Variants in PAFAH1B1 observed in about 807,000 individuals in gnomAD.
The protein encoded by PAFAH1B1 is platelet activating factor acetylhydrolase 1b regulatory subunit 1.
Under a neutral mutation model 57.5 loss-of-function variants are expected in PAFAH1B1, and 2 were observed. The ratio of observed to expected loss-of-function variants is 0.03; its 90% CI spans 0.01 to 0.11. PAFAH1B1 has a LOEUF of 0.11. Ranked by LOEUF, PAFAH1B1 falls within the 10% of genes least tolerant of loss-of-function variation. The pLI is 1.00. For synonymous variants in PAFAH1B1, 152 were observed against 169.6 expected (o/e 0.90, Z 0.81); for missense variants, 257 against 512.0 (o/e 0.50, Z 4.81).
chr17:2,681,969 G>C lies in PAFAH1B1; in HGVS notation c.*167G>C. The C allele has an allele frequency of 1.7e-6, 1 of 599,126 alleles. No individual in the cohort carries two copies. Among genetic ancestry groups the C allele is most frequent in the South Asian group, 2.2e-5 (1 of 45,708 alleles). 37.1% of individuals were successfully genotyped at this position (599,126 alleles called of 1,614,324 possible). On this transcript the variant is annotated 3_prime_UTR_variant, in exon 11 of 11. Transcript: ENST00000397195. ...TACACACAAAGTATTCATGCATGGTGAATCCAAATTGTATACTGTAAATTT... is the reference window on the plus strand; with the variant it reads ...TACACACAAAGTATTCATGCATGGTCAATCCAAATTGTATACTGTAAATTT...
In PAFAH1B1 at chr17:2,623,347, C is replaced by T. The variant is rs200570197; in HGVS notation, c.-190-14752C>T. On this transcript the variant is annotated intron_variant, in intron 1 of 10. Transcript: ENST00000397195. ...TGCAGTGGCATGATCTTGGCTCCGCCTCCTGGATTCATGCCATTCTCTTGA... is the reference window on the plus strand; with the variant it reads ...TGCAGTGGCATGATCTTGGCTCCGCTTCCTGGATTCATGCCATTCTCTTGA... Among the ~76,000 whole-genome samples the T allele has an allele frequency of 4.8e-5, 7 of 144,756 alleles. No individual in the cohort carries two copies. The East Asian group carries it at 1.3e-3, about 26-fold the overall frequency. 95.0% of individuals were successfully genotyped at this position (144,756 alleles called of 152,430 possible). A position where few individuals can be genotyped will look rare whatever the true frequency, so the allele number is the denominator to read the frequency against.
chr17:2,666,222 T>G (rs1273892705), intron 4 of PAFAH1B1, 132 bp downstream of exon 4: 3 of 910,944 alleles, frequency 3.3e-6, no homozygotes, highest in Non-Finnish European at 4.8e-6. Context: ...TTTTTGTGCT[T>G]CATGAAAAGT....
At position 2,681,818 on chromosome 17, in the gene PAFAH1B1, C is replaced by G. The variant is rs771129697; in HGVS notation, c.*16C>G. On this transcript the variant is annotated 3_prime_UTR_variant, in exon 11 of 11. Transcript: ENST00000397195. ...GTGCCGTTGATTGTGTCTCCTTCGGCCCCTCCTCCCTCTTTTCCTCTGGAT... is the reference window on the plus strand; with the variant it reads ...GTGCCGTTGATTGTGTCTCCTTCGGGCCCTCCTCCCTCTTTTCCTCTGGAT... The G allele has an allele frequency of 2.5e-6, 4 of 1,595,928 alleles. No individual in the cohort carries two copies. The highest frequency in any genetic ancestry group is 3.3e-5 in the Admixed American group (2 of 59,716).
intron 1 of PAFAH1B1, among the ~76,000 whole-genome samples, chr17:2,603,955 C>T (rs983067275): frequency 2.0e-5 from 3 of 152,098 alleles, no homozygotes; most frequent in African/African-American, 7.2e-5. Flanking sequence ...TCAGACTGGT[C>T]TCAAACTCCT....
intron 1 of PAFAH1B1, among the ~76,000 whole-genome samples, chr17:2,607,318 C>T (rs771682573): frequency 6.6e-6 from 1 of 151,662 alleles, no homozygotes; most frequent in African/African-American, 2.4e-5. Context: ...GGACTACAGG[C>T]GTGCACCAGC....
rs2069441401 is a variant in PAFAH1B1, at chr17:2,684,486, G to C, written c.*2684G>C. 1 of 152,658 alleles carries C rather than the reference G, an allele frequency of 6.6e-6. No individual in the cohort carries two copies. Among genetic ancestry groups the C allele is most frequent in the African/African-American group, 2.4e-5 (1 of 41,452 alleles). The allele number at this position is 152,658 out of a possible 1,614,324, so 9.5% of individuals were successfully genotyped here. Reference sequence around the variant, plus strand: ...AAATTGGCCACTTAAGAAATAAAGAGCTGGTAGAATTGCATCCTCAGATGA... The same window carrying C: ...AAATTGGCCACTTAAGAAATAAAGACCTGGTAGAATTGCATCCTCAGATGA... On this transcript the variant is annotated 3_prime_UTR_variant, in exon 11 of 11. Coordinates refer to ENST00000397195, the MANE Select transcript of PAFAH1B1 (RefSeq NM_000430.4).
At chr17:2,595,120 C>G (rs1036608107) in intron 1 of PAFAH1B1, among the ~76,000 whole-genome samples, 13 of 152,118 alleles carry the variant, frequency 8.5e-5, no homozygotes, top group African/African-American at 3.1e-4. Flanking sequence ...GATTTGTGGT[C>G]TCGTTCTCAA....
chr17:2,626,618 G>A (rs372176762), intron 1 of PAFAH1B1, among the ~76,000 whole-genome samples: 8 of 138,146 alleles, frequency 5.8e-5, no homozygotes, highest in East Asian at 4.4e-4. Context: ...GCAGTGGCGC[G>A]ATCTTGGCTC....
chr17:2,656,589 A>G (rs12602021), intron 2 of PAFAH1B1, among the ~76,000 whole-genome samples: 92,095 of 151,992 alleles, frequency 0.61, 29,513 homozygotes, highest in East Asian at 0.88. Flanking sequence ...TATTGTAGAT[A>G]ATTGAATATC....
In PAFAH1B1 at chr17:2,643,080, GTTCTTTGT is replaced by G. The variant is rs550643804; in HGVS notation, c.32+4763_32+4770del. Among the ~76,000 whole-genome samples the G allele has an allele frequency of 1.3e-3, 199 of 152,072 alleles. 1 individual carries two copies. The highest frequency in any genetic ancestry group is 6.9e-3 in the Admixed American group (105 of 15,248). On this transcript the variant is annotated intron_variant, in intron 2 of 10. Transcript: ENST00000397195. ...TAAATAAAAGTAGCATACTGTATAT[GTTCTTTGT>G]TTGTTTTTTTGTTTTGGAGACAAGA...
chr17:2,648,740 T>G (rs1413109171), intron 2 of PAFAH1B1, among the ~76,000 whole-genome samples: 4 of 148,730 alleles, frequency 2.7e-5, no homozygotes, highest in African/African-American at 9.9e-5. Flanking sequence ...TGGTGTATTT[T>G]TAATACCCAT....
chr17:2,636,637 G>A (rs894354043), intron 1 of PAFAH1B1, among the ~76,000 whole-genome samples: 2 of 152,062 alleles, frequency 1.3e-5, no homozygotes, highest in African/African-American at 2.4e-5. Context: ...CACCTCAAGT[G>A]GTCTGCCCAC....
intron 10 of PAFAH1B1, 67 bp downstream of exon 10, chr17:2,680,387 A>G: frequency 7.1e-7 from 1 of 1,403,292 alleles, no homozygotes; most frequent in Non-Finnish European, 1.0e-6. Context: ...TGTTTTACAT[A>G]ATCGTGTGGA....
In PAFAH1B1 at chr17:2,650,068, T is replaced by C. The variant is rs960886995; in HGVS notation, c.32+11748T>C. ...ACTGGTAAGTTTGACTGTATCAAAA[T>C]AGAAAACTTCTGTGTGAAGAAAGGC... On this transcript the variant is annotated intron_variant, in intron 2 of 10. Transcript: ENST00000397195. 9.9e-5 allele frequency among the ~76,000 whole-genome samples: 15 copies of C among 152,160 alleles called. 1 individual carries two copies. Among genetic ancestry groups the C allele is most frequent in the African/African-American group, 2.4e-5 (1 of 41,448 alleles).
At chr17:2,620,364 G>C (rs2068403965) in intron 1 of PAFAH1B1, among the ~76,000 whole-genome samples, 2 of 152,084 alleles carry the variant, frequency 1.3e-5, no homozygotes, top group Non-Finnish European at 2.9e-5. Context: ...TTTACTTTTT[G>C]TGACTTTGTT....
At chr17:2,626,539 G>A (rs897579518) in intron 1 of PAFAH1B1, among the ~76,000 whole-genome samples, 20 of 126,336 alleles carry the variant, frequency 1.6e-4, no homozygotes, top group Middle Eastern at 4.3e-3. Flanking sequence ...AACTTGAACC[G>A]GCATCACCTT....
chr17:2,617,486 C>T (rs2068360146), intron 1 of PAFAH1B1, among the ~76,000 whole-genome samples: 2 of 152,170 alleles, frequency 1.3e-5, no homozygotes, highest in African/African-American at 4.8e-5. Context: ...GAGCACAGTC[C>T]ATCCCTCAGT....
chr17:2,624,492 T>C (rs1173245463), intron 1 of PAFAH1B1, among the ~76,000 whole-genome samples: 3 of 152,128 alleles, frequency 2.0e-5, no homozygotes, highest in Non-Finnish European at 4.4e-5. Flanking sequence ...AGAATCATGA[T>C]AGGAAGTGAA....
At chr17:2,631,644 G>A (rs2068556595) in intron 1 of PAFAH1B1, among the ~76,000 whole-genome samples, 2 of 152,206 alleles carry the variant, frequency 1.3e-5, no homozygotes, top group African/African-American at 4.8e-5. Context: ...GCTCAGGAGA[G>A]GAGGGTCTTC....
Sources: allele counts gnomAD v4.1 joint callset (sites outside exome capture counted in the v4.1 genomes callset), GRCh38; gene constraint gnomAD v4.1.1; transcripts MANE v1.5; gene names NCBI Gene and HGNC (gene_info 2026-07-23, HGNC 2026-07-21).